CCDC69: variants seen among roughly 807,000 people sequenced by gnomAD.
CCDC69 encodes the protein coiled-coil domain-containing protein 69.
In CCDC69, 38 loss-of-function variants were observed where a neutral mutation model predicts 40.3. The ratio of observed to expected loss-of-function variants is 0.94; its 90% CI spans 0.73 to 1.24. The LOEUF is 1.24. CCDC69 is among the 50% of genes most tolerant of loss of function. The pLI, the probability that CCDC69 is intolerant of heterozygous loss-of-function variation, is 0.00. For missense variants in CCDC69, 389 were observed against 357.9 expected (o/e 1.09, Z -0.70); for synonymous variants, 141 against 138.9 (o/e 1.02, Z -0.11).
intron 4 of CCDC69, among the ~76,000 whole-genome samples, chr5:151,196,248 T>A (rs1182805972): frequency 1.3e-5 from 2 of 151,934 alleles, no homozygotes; most frequent in African/African-American, 4.8e-5. Flanking sequence ...GCCTCCCGGG[T>A]TCAAGCAATT....
Position 151,198,998 on chromosome 5 carries a change from T to C in CCDC69, c.318A>G (p.Gln106=). The change falls in exon 4 of 9, where the codon CAA becomes CAG. Residue 106 remains glutamine, a splice_region_variant and synonymous_variant. Transcript: ENST00000355417. ...VLEGKNEEAL[Q]VLRASYEQEK... ...CCAGTGGAACATCTCTACCCTTACC[T>C]TGCAGGGCCTCTTCATTCTTTCCTT... 1 of 1,613,568 alleles carries C rather than the reference T, an allele frequency of 6.2e-7. No homozygotes were observed. Among genetic ancestry groups the C allele is most frequent in the East Asian group, 2.2e-5 (1 of 44,882 alleles).
In CCDC69 at chr5:151,184,424, T is replaced by C. The variant is rs1451642955; in HGVS notation, c.633A>G (p.Ile211Met). 4 of 1,613,358 alleles carry C rather than the reference T, an allele frequency of 2.5e-6. No homozygotes were observed. The highest frequency in any genetic ancestry group is 3.4e-6 in the Non-Finnish European group (4 of 1,179,258). The change falls in exon 8 of 9, where the codon ATA becomes ATG. Residue 211 changes from isoleucine (I) to methionine (M), a missense_variant. By Grantham distance (10) the Ile-to-Met change is conservative. Transcript: ENST00000355417. Reference protein sequence around the residue: ...LMETVKEKNLILEEKITTLQQ... With the variant: ...LMETVKEKNLMLEEKITTLQQ... The stretch of plus-strand genomic sequence containing the variant: ...GCAGGGTCGTAATTTTTTCCTCCAA[T>C]ATCAGATTTTTCTCTTTCTATAACA...
chr5:151,184,238 G>C (rs920516715), intron 8 of CCDC69, 106 bp downstream of exon 8: 2 of 814,650 alleles, frequency 2.5e-6, no homozygotes, highest in Non-Finnish European at 4.2e-6. Context: ...AATAGGCCCT[G>C]GGCCCACCTG....
At chr5:151,212,947 G>T (rs1752974222) in intron 1 of CCDC69, 3 of 454,122 alleles carry the variant, frequency 6.6e-6, no homozygotes, top group Admixed American at 2.4e-5. Context: ...TCCATCATTA[G>T]TAGCATGCAA....
chr5:151,224,011 G>A lies in CCDC69; in HGVS notation c.-41C>T. 1 of 1,514,596 alleles carries A rather than the reference G, an allele frequency of 6.6e-7. No individual in the cohort carries two copies. The allele number at this position is 1,514,596 out of a possible 1,614,324, so 93.8% of individuals were successfully genotyped here. A position where few individuals can be genotyped will look rare whatever the true frequency, so the allele number is the denominator to read the frequency against. On this transcript the variant is annotated 5_prime_UTR_variant, in exon 1 of 9. Coordinates refer to ENST00000355417, the MANE Select transcript of CCDC69 (RefSeq NM_015621.3). ...CCCGGACGCCGCTTCCCAACTCCGG[G>A]GCCCCCAGAGGAGCCTGCGATCCGG...
chr5:151,190,023 G>A (rs1271589054), intron 4 of CCDC69, among the ~76,000 whole-genome samples: 3 of 152,130 alleles, frequency 2.0e-5, no homozygotes, highest in Non-Finnish European at 4.4e-5. Context: ...AGATTAAATC[G>A]AGACATTCTC....
rs367697627 is a variant in CCDC69, at chr5:151,221,760, T to C, written c.48+2163A>G. On this transcript the variant is annotated intron_variant, in intron 1 of 8. Transcript: ENST00000355417. ...TGCTGTAAACACTCAGGGTGAGTCA[T>C]GGTTATCAGAACCTAACCCCTCTGT... is the stretch of plus-strand genomic sequence containing the variant. 5.9e-5 allele frequency among the ~76,000 whole-genome samples: 9 copies of C among 152,242 alleles called. No homozygotes were observed. In the East Asian group the frequency reaches 7.7e-4, roughly 13 times the overall value.
At position 151,183,595 on chromosome 5, in the gene CCDC69, G is replaced by A. The variant is rs759389934; in HGVS notation, c.733C>T (p.Leu245Phe). The A allele has an allele frequency of 1.9e-6, 3 of 1,611,330 alleles. No homozygotes were observed. Among genetic ancestry groups the A allele is most frequent in the African/African-American group, 1.3e-5 (1 of 74,912 alleles). The change falls in exon 9 of 9, where the codon CTT (leucine) becomes TTT (phenylalanine). Residue 245 changes from leucine (L) to phenylalanine (F), a missense_variant. Transcript: ENST00000355417. ...TTCTCCAGGGCCTCACGCGTGAGAAGCAGGTCTTCTGACAGCTGCCTGTGG... is the reference window on the plus strand; with the variant it reads ...TTCTCCAGGGCCTCACGCGTGAGAAACAGGTCTTCTGACAGCTGCCTGTGG... ...VLSRQLSEDL[L>F]LTREALEKEV...
chr5:151,200,650 T>C (rs1242562040), intron 3 of CCDC69, among the ~76,000 whole-genome samples: 1 of 152,214 alleles, frequency 6.6e-6, no homozygotes, highest in Non-Finnish European at 1.5e-5. Context: ...AAGGAAATCC[T>C]GGGCTGCAGG....
intron 1 of CCDC69, chr5:151,215,486 C>T (rs1217144297): frequency 2.8e-5 from 6 of 213,362 alleles, no homozygotes; most frequent in East Asian, 1.3e-4. Context: ...CGATCCTGTC[C>T]GGCTTGTTTG....
rs192544124 is a variant in CCDC69 at position 151,212,504 on chromosome 5, C to G, written c.49-7029G>C. ...GTAGGACACAGCTGTCAAAAGCAGA[C>G]AGAGTCAGGGTAGAATGAGAAGACA... On this transcript the variant is annotated intron_variant, in intron 1 of 8. Coordinates refer to ENST00000355417, the MANE Select transcript of CCDC69 (RefSeq NM_015621.3). Among the ~76,000 whole-genome samples the G allele has an allele frequency of 6.0e-4, 91 of 152,306 alleles. 1 individual carries two copies. Among genetic ancestry groups the G allele is most frequent in the Admixed American group, 2.5e-3 (39 of 15,302 alleles).
chr5:151,190,337 C>T (rs1013131215), intron 4 of CCDC69, among the ~76,000 whole-genome samples: 11 of 152,094 alleles, frequency 7.2e-5, no homozygotes, highest in Admixed American at 2.0e-4. Flanking sequence ...ACCTACATGA[C>T]GGTAAGCTTT....
chr5:151,221,755 A>G (rs1441011982), intron 1 of CCDC69, among the ~76,000 whole-genome samples: 3 of 152,228 alleles, frequency 2.0e-5, no homozygotes, highest in Non-Finnish European at 4.4e-5. Flanking sequence ...ACTCAGGGTG[A>G]GTCATGGTTA....
At position 151,189,478 on chromosome 5, in the gene CCDC69, C is replaced by T. The variant is rs577784084; in HGVS notation, c.320-2019G>A. ...AAAAAAGATTAGAAAAAAAAATGAACGGAGCTTCAGAGACCTGTAAGATAA... is the reference window on the plus strand; with the variant it reads ...AAAAAAGATTAGAAAAAAAAATGAATGGAGCTTCAGAGACCTGTAAGATAA... On this transcript the variant is annotated intron_variant, in intron 4 of 8. Transcript: ENST00000355417. Among the ~76,000 whole-genome samples, 7 of 151,478 alleles carry T rather than the reference C, an allele frequency of 4.6e-5. No individual in the cohort carries two copies. The South Asian group carries it at 6.3e-4, about 14-fold the overall frequency.
intron 4 of CCDC69, among the ~76,000 whole-genome samples, chr5:151,195,995 C>T (rs2113990315): frequency 6.6e-6 from 1 of 152,242 alleles, no homozygotes; most frequent in Admixed American, 6.5e-5. Flanking sequence ...GAGGTCTAGA[C>T]TCACAAGAAA....
chr5:151,199,134 A>G (rs1423015789), intron 3 of CCDC69, 50 bp from the exon 4 acceptor site: 2 of 1,460,478 alleles, frequency 1.4e-6, no homozygotes, highest in Non-Finnish European at 1.9e-6. Flanking sequence ...GGATCAGCAC[A>G]GCATCTCTTA....
rs1290771967 is a variant in CCDC69 at position 151,185,423 on chromosome 5, A to G, written c.614T>C (p.Val205Ala). The G allele has an allele frequency of 2.5e-6, 4 of 1,613,852 alleles. No homozygotes were observed. Among genetic ancestry groups the G allele is most frequent in the Non-Finnish European group, 3.4e-6 (4 of 1,179,792 alleles). Residue 205 changes from valine (V) to alanine (A), a missense_variant and splice_region_variant, in exon 7 of 9, where the codon GTG becomes GCG. By Grantham distance (64) the Val-to-Ala change is moderately conservative. Coordinates refer to ENST00000355417, the MANE Select transcript of CCDC69 (RefSeq NM_015621.3). ...CCCCAGCCACTCCCAGTCACAGACCACTGTTTCCATGAGGATCAGCCGCCT... is the reference window on the plus strand; with the variant it reads ...CCCCAGCCACTCCCAGTCACAGACCGCTGTTTCCATGAGGATCAGCCGCCT... ...LDRRLILMET[V>A]KEKNLILEEK...
chr5:151,182,663 CT>C lies in CCDC69; in HGVS notation c.*773del. On this transcript the variant is annotated 3_prime_UTR_variant, in exon 9 of 9. Transcript: ENST00000355417. ...GGACTCACAACCACCAAGCTTGCCC[CT>C]GTGCCCAGGTGGCACCAAGACTGAA... is the stretch of plus-strand genomic sequence containing the variant. 1 of 250,524 alleles carries C rather than the reference CT, an allele frequency of 4.0e-6. No homozygotes were observed. The highest frequency in any genetic ancestry group is 1.0e-4 in the East Asian group (1 of 9,742). The allele number at this position is 250,524 out of a possible 1,614,324, so 15.5% of individuals were successfully genotyped here.
At chr5:151,206,449 C>T (rs751968959) in intron 1 of CCDC69, among the ~76,000 whole-genome samples, 13 of 152,110 alleles carry the variant, frequency 8.5e-5, no homozygotes, top group Non-Finnish European at 8.8e-5. Context: ...CAGAGGTTGT[C>T]GGGTGGGGGT....
Sources: gnomAD v4.1 joint callset for allele counts (sites outside exome capture counted in the v4.1 genomes callset) on GRCh38, gnomAD v4.1.1 for gene constraint, MANE v1.5 for transcripts, NCBI Gene and HGNC (gene_info 2026-07-23, HGNC 2026-07-21) for gene names.